The following MAP2 variants were observed in gnomAD, a reference collection of about 807,000 sequenced individuals.
The protein encoded by MAP2 is microtubule-associated protein 2.
A neutral mutation model predicts 137.6 loss-of-function variants in MAP2; 14 were observed. That is an observed-to-expected ratio of 0.10 (90% CI 0.07 to 0.16). The LOEUF is 0.16. MAP2 is among the 10% of genes least tolerant of loss of function. The probability of loss-of-function intolerance (pLI) is 1.00; values close to 1 mark genes in which losing one functional copy is unlikely to be tolerated. For synonymous variants in MAP2, 786 were observed against 782.3 expected (o/e 1.00, Z -0.08); for missense variants, 2,088 against 2,191.5 (o/e 0.95, Z 0.94).
At chr2:209,491,640 C>T (rs1021500202) in intron 1 of MAP2, among the ~76,000 whole-genome samples, 3 of 152,150 alleles carry the variant, frequency 2.0e-5, no homozygotes, top group African/African-American at 7.2e-5. Context: ...GAAATACAGA[C>T]TGCCATCAGA....
chr2:209,651,088 A>G (rs1201669307), intron 4 of MAP2, among the ~76,000 whole-genome samples: 3 of 152,212 alleles, frequency 2.0e-5, no homozygotes, highest in Non-Finnish European at 4.4e-5. Flanking sequence ...CTTCACATAT[A>G]TGAAGATGCC....
intron 5 of MAP2, among the ~76,000 whole-genome samples, chr2:209,667,492 G>C (rs761927657): frequency 3.2e-4 from 49 of 151,920 alleles, no homozygotes; most frequent in Non-Finnish European, 4.4e-4. Flanking sequence ...CCGAGAATTG[G>C]TCAACTGCTT....
chr2:209,524,072 G>A (rs1313151934), intron 2 of MAP2, among the ~76,000 whole-genome samples: 1 of 151,654 alleles, frequency 6.6e-6, no homozygotes, highest in Non-Finnish European at 1.5e-5. Context: ...AAACAATTTA[G>A]TGCATCAAAA....
rs866057667 is a variant in MAP2, at chr2:209,559,507, C to T, written c.-171-20529C>T. Among the ~76,000 whole-genome samples the T allele has an allele frequency of 2.1e-4, 30 of 140,174 alleles. No homozygotes were observed. The Middle Eastern group carries it at 0.015, about 69-fold the overall frequency. 92.0% of individuals were successfully genotyped at this position (140,174 alleles called of 152,430 possible). On this transcript the variant is annotated intron_variant, in intron 2 of 15. Transcript: ENST00000682079. ...AAAAAAAAAAAAAAAAAAAAAAAGCCGGGTGTGGTGAAGCATGCCTGTAAT... is the reference window on the plus strand; with the variant it reads ...AAAAAAAAAAAAAAAAAAAAAAAGCTGGGTGTGGTGAAGCATGCCTGTAAT...
rs890197495 is a variant in MAP2, at chr2:209,540,070, G to A, written c.-172+32429G>A. ...GAGCTGTGATCATGCCAGTACACTC[G>A]AGACTGGGTGACAGAGGGAGACGTT... is the stretch of plus-strand genomic sequence containing the variant. On this transcript the variant is annotated intron_variant, in intron 2 of 15. Transcript: ENST00000682079. 3.9e-5 allele frequency among the ~76,000 whole-genome samples: 5 copies of A among 127,454 alleles called. No homozygotes were observed. In the South Asian group the frequency reaches 1.0e-3, roughly 27 times the overall value. 83.6% of individuals were successfully genotyped at this position (127,454 alleles called of 152,430 possible).
At chr2:209,603,181 C>A (rs1450117035) in intron 3 of MAP2, among the ~76,000 whole-genome samples, 2 of 152,110 alleles carry the variant, frequency 1.3e-5, no homozygotes, top group Non-Finnish European at 2.9e-5. Context: ...TCCAAACTGA[C>A]CTGACGCCCA....
intron 1 of MAP2, among the ~76,000 whole-genome samples, chr2:209,447,964 C>T (rs1208924158): frequency 6.6e-6 from 1 of 152,116 alleles, no homozygotes; most frequent in Non-Finnish European, 1.5e-5. Context: ...GTATCGGCCT[C>T]ACTTGAAAAC....
chr2:209,558,074 T>C (rs2071098410), intron 2 of MAP2, among the ~76,000 whole-genome samples: 1 of 152,252 alleles, frequency 6.6e-6, no homozygotes, highest in Non-Finnish European at 1.5e-5. Context: ...TCACTAATTG[T>C]TAACATGATG....
rs189829917 is a variant in MAP2, at chr2:209,467,712, T to C, written c.-221-39880T>C. On this transcript the variant is annotated intron_variant, in intron 1 of 15. Coordinates refer to ENST00000682079, the MANE Select transcript of MAP2 (RefSeq NM_001375505.1). ...TCTTGTCTAGACTGAAGAGGCAAGA[T>C]AATAAAGAGAATAAGAGCATGGACT... Among the ~76,000 whole-genome samples the C allele has an allele frequency of 8.4e-4, 128 of 152,290 alleles. 1 individual carries two copies. Among genetic ancestry groups the C allele is most frequent in the African/African-American group, 2.6e-3 (106 of 41,554 alleles).
At chr2:209,517,788 G>T (rs977351491) in intron 2 of MAP2, among the ~76,000 whole-genome samples, 11 of 151,800 alleles carry the variant, frequency 7.2e-5, no homozygotes, top group African/African-American at 2.7e-4. Context: ...GCAGATGGGG[G>T]AAGAAGTATG....
chr2:209,677,640 A>C (rs909072555), intron 5 of MAP2, among the ~76,000 whole-genome samples: 1 of 152,004 alleles, frequency 6.6e-6, no homozygotes, highest in Non-Finnish European at 1.5e-5. Context: ...AAGTTTTGTG[A>C]TTATGTGTTT....
At chr2:209,728,654 C>T (rs189301022) in intron 14 of MAP2, among the ~76,000 whole-genome samples, 2 of 152,318 alleles carry the variant, frequency 1.3e-5, no homozygotes, top group African/African-American at 2.4e-5. Flanking sequence ...CTTCCTCTTT[C>T]GTCTACAGAG....
chr2:209,589,762 G>C (rs774474750), intron 3 of MAP2, among the ~76,000 whole-genome samples: 1 of 152,180 alleles, frequency 6.6e-6, no homozygotes, highest in Non-Finnish European at 1.5e-5. Flanking sequence ...GAGTTCCACA[G>C]AATTTTAAGC....
At chr2:209,555,804 A>G (rs938420974) in intron 2 of MAP2, among the ~76,000 whole-genome samples, 1 of 152,150 alleles carries the variant, frequency 6.6e-6, no homozygotes, top group East Asian at 1.9e-4. Context: ...ATTTGTCTTT[A>G]TAAACTGGAG....
chr2:209,546,338 AATTGTATGTTTGTGCATCTTAATG>A (rs2068060413), intron 2 of MAP2, among the ~76,000 whole-genome samples: 1 of 152,052 alleles, frequency 6.6e-6, no homozygotes, highest in Non-Finnish European at 1.5e-5. Flanking sequence ...CAATGACACA[AATTGTATGTTTGTGCATCTTAATG>A]CTACATATAA....
At chr2:209,727,059 G>C (rs2074332764) in intron 14 of MAP2, among the ~76,000 whole-genome samples, 1 of 152,156 alleles carries the variant, frequency 6.6e-6, no homozygotes, top group Admixed American at 6.5e-5. Flanking sequence ...ATTTCAAAAT[G>C]GATAAATGCA....
At chr2:209,690,808 G>A (rs2058635244) in intron 7 of MAP2, 1 of 1,288,776 alleles carries the variant, frequency 7.8e-7, no homozygotes, top group Admixed American at 2.3e-5. Flanking sequence ...AGGTCAAGGA[G>A]GTGTCTCCAG....
intron 1 of MAP2, among the ~76,000 whole-genome samples, chr2:209,480,983 G>C (rs1708608081): frequency 6.6e-6 from 1 of 152,116 alleles, no homozygotes; most frequent in Non-Finnish European, 1.5e-5. Context: ...TTACTCCATG[G>C]TGAAAAGAGG....
At chr2:209,645,183 T>A (rs1472663272) in intron 4 of MAP2, among the ~76,000 whole-genome samples, 1 of 152,190 alleles carries the variant, frequency 6.6e-6, no homozygotes, top group African/African-American at 2.4e-5. Context: ...ATCAAATTAT[T>A]TTTTTCCATG....
Sources: gnomAD v4.1 joint callset for allele counts (sites outside exome capture counted in the v4.1 genomes callset) on GRCh38, gnomAD v4.1.1 for gene constraint, MANE v1.5 for transcripts, NCBI Gene and HGNC (gene_info 2026-07-23, HGNC 2026-07-21) for gene names.